The following ATP6V1C2 variants were observed in gnomAD, a reference collection of about 807,000 sequenced individuals.
ATP6V1C2 encodes V-type proton ATPase subunit C 2.
A neutral mutation model predicts 56.8 loss-of-function variants in ATP6V1C2; 45 were observed. That is an observed-to-expected ratio of 0.79 (90% CI 0.62 to 1.02). The LOEUF (loss-of-function observed/expected upper bound fraction) is 1.02, where lower values mean the gene tolerates loss of function less well. Among genes scored for constraint, ATP6V1C2 ranks in the 50% least tolerant of loss-of-function variants. The probability of loss-of-function intolerance (pLI) is 0.00; values close to 1 mark genes in which losing one functional copy is unlikely to be tolerated. For synonymous variants in ATP6V1C2, 220 were observed against 201.3 expected (o/e 1.09, Z -0.79); for missense variants, 463 against 519.7 (o/e 0.89, Z 1.06).
intron 3 of ATP6V1C2, among the ~76,000 whole-genome samples, chr2:10,733,380 A>G (rs1662073013): frequency 6.6e-6 from 1 of 152,214 alleles, no homozygotes; most frequent in African/African-American, 2.4e-5. Flanking sequence ...CCTCGGTAGC[A>G]TAAACCTGTC....
intron 2 of ATP6V1C2, among the ~76,000 whole-genome samples, chr2:10,723,503 G>C (rs1013050036): frequency 6.6e-5 from 10 of 152,154 alleles, no homozygotes; most frequent in Middle Eastern, 3.4e-3. Flanking sequence ...GGCATCTAAG[G>C]GTTCTTGGAG....
intron 12 of ATP6V1C2, among the ~76,000 whole-genome samples, chr2:10,779,026 T>C (rs1001189374): frequency 3.3e-5 from 5 of 151,848 alleles, no homozygotes; most frequent in Non-Finnish European, 5.9e-5. Context: ...GCCTCCGTCC[T>C]CAGCCTGGAA....
chr2:10,785,016 C>A lies in ATP6V1C2; in HGVS notation c.*1753C>A. 1 of 1,579,242 alleles carries A rather than the reference C, an allele frequency of 6.3e-7. No homozygotes were observed. Among genetic ancestry groups the A allele is most frequent in the South Asian group, 1.2e-5 (1 of 86,446 alleles). ...TCCTACAGGTGCCGTGGAGCCACGC[C>A]CAAAAGAGAGCTCCCTTAGGGAAAA... is the stretch of plus-strand genomic sequence containing the variant. On this transcript the variant is annotated 3_prime_UTR_variant, in exon 14 of 14. Transcript: ENST00000272238.
chr2:10,754,146 A>G, intron 4 of ATP6V1C2, 80 bp downstream of exon 4: 1 of 1,231,938 alleles, frequency 8.1e-7, no homozygotes, highest in Non-Finnish European at 1.2e-6. Context: ...GTGGCCACAC[A>G]GCAATCACCG....
intron 12 of ATP6V1C2, among the ~76,000 whole-genome samples, chr2:10,779,945 C>G (rs1665246922): frequency 6.6e-6 from 1 of 152,136 alleles, no homozygotes; most frequent in African/African-American, 2.4e-5. Context: ...CGTCCCGCGT[C>G]ACGGAGCACT....
chr2:10,784,253 G>A lies in ATP6V1C2; in HGVS notation c.*990G>A. 6.2e-7 allele frequency: 1 copy of A among 1,610,048 alleles called. No homozygotes were observed. Among genetic ancestry groups the A allele is most frequent in the African/African-American group, 1.3e-5 (1 of 74,888 alleles). On this transcript the variant is annotated 3_prime_UTR_variant, in exon 14 of 14. Transcript: ENST00000272238. ...GAAAATGGTCTGAAGCCTCTGTTGTGGCTCTCACAACTCATCTTTCCCTAA... is the reference window on the plus strand; with the variant it reads ...GAAAATGGTCTGAAGCCTCTGTTGTAGCTCTCACAACTCATCTTTCCCTAA...
intron 3 of ATP6V1C2, among the ~76,000 whole-genome samples, chr2:10,735,338 T>G (rs530292817): frequency 6.6e-6 from 1 of 151,716 alleles, no homozygotes; most frequent in Non-Finnish European, 1.5e-5. Context: ...CCCAGCTAAT[T>G]TTTGTGTTTT....
At chr2:10,758,703 G>A (rs988138508) in intron 4 of ATP6V1C2, among the ~76,000 whole-genome samples, 7 of 149,768 alleles carry the variant, frequency 4.7e-5, no homozygotes, top group Non-Finnish European at 7.4e-5. Flanking sequence ...TTGCTCTGTC[G>A]CCAGGCTGGA....
intron 5 of ATP6V1C2, 80 bp downstream of exon 5, chr2:10,764,505 C>A: frequency 1.7e-6 from 2 of 1,195,322 alleles, no homozygotes; most frequent in South Asian, 1.2e-5. Context: ...CCCCTGCCAA[C>A]AGCCTCAGCC....
chr2:10,724,538 C>A (rs529429591), intron 2 of ATP6V1C2, among the ~76,000 whole-genome samples: 2 of 152,158 alleles, frequency 1.3e-5, no homozygotes, highest in East Asian at 1.9e-4. Context: ...GTGTGTGAGG[C>A]ACTGTGCTGG....
At chr2:10,733,511 G>A (rs1662077946) in intron 3 of ATP6V1C2, among the ~76,000 whole-genome samples, 1 of 152,016 alleles carries the variant, frequency 6.6e-6, no homozygotes. Context: ...TAGTTGGAAG[G>A]CAGCTTTTGC....
chr2:10,749,246 G>A (rs932855367), intron 3 of ATP6V1C2, among the ~76,000 whole-genome samples: 2 of 151,752 alleles, frequency 1.3e-5, no homozygotes, highest in African/African-American at 4.8e-5. Flanking sequence ...TGTAATCTTA[G>A]CACTTTGGGA....
chr2:10,758,511 G>A (rs995395884), intron 4 of ATP6V1C2, among the ~76,000 whole-genome samples: 7 of 152,102 alleles, frequency 4.6e-5, no homozygotes, highest in Admixed American at 2.6e-4. Context: ...GCCTGGGGCC[G>A]GGAGTTCGAG....
rs116237579 is a variant in ATP6V1C2, at chr2:10,770,693, T to G, written c.471-1146T>G. Among the ~76,000 whole-genome samples, 794 of 152,342 alleles carry G rather than the reference T, an allele frequency of 5.2e-3. 10 individuals are homozygous for G. Among genetic ancestry groups the G allele is most frequent in the African/African-American group, 0.018 (755 of 41,580 alleles). ...GGTTCATTCATCCATTGATCATCAT[T>G]GATTCGCAGTGACTTTAATTGATTT... On this transcript the variant is annotated intron_variant, in intron 6 of 13. Coordinates refer to ENST00000272238, the MANE Select transcript of ATP6V1C2 (RefSeq NM_001039362.2).
At chr2:10,737,194 C>T (rs1172873483) in intron 3 of ATP6V1C2, among the ~76,000 whole-genome samples, 3 of 148,968 alleles carry the variant, frequency 2.0e-5, no homozygotes, top group Non-Finnish European at 4.4e-5. Context: ...GTGGGAGGAT[C>T]ACTTGAGGCC....
chr2:10,756,512 GT>G (rs1663561340), intron 4 of ATP6V1C2, among the ~76,000 whole-genome samples: 1 of 152,154 alleles, frequency 6.6e-6, no homozygotes, highest in Non-Finnish European at 1.5e-5. Flanking sequence ...GAAGTCAGGA[GT>G]TCAAGACCAG....
intron 6 of ATP6V1C2, among the ~76,000 whole-genome samples, chr2:10,769,377 G>A (rs985548021): frequency 6.6e-6 from 1 of 152,216 alleles, no homozygotes; most frequent in Non-Finnish European, 1.5e-5. Context: ...GTCTTGTGAG[G>A]TGTAGTGAGT....
In ATP6V1C2 at chr2:10,764,389, G is replaced by A; in HGVS notation, c.342G>A (p.Lys114=). 1 of 1,614,164 alleles carries A rather than the reference G, an allele frequency of 6.2e-7. No individual in the cohort carries two copies. Among genetic ancestry groups the A allele is most frequent in the Non-Finnish European group, 8.5e-7 (1 of 1,179,982 alleles). ...FEWDMAKYPV[K]QPLVSVVDTI... ...GGGACATGGCCAAATATCCTGTCAAGCAGCCGCTCGTGAGTGTGGTGGACA... is the reference window on the plus strand; with the variant it reads ...GGGACATGGCCAAATATCCTGTCAAACAGCCGCTCGTGAGTGTGGTGGACA... Residue 114 remains lysine, a synonymous_variant, in exon 5 of 14, where the codon AAG becomes AAA. Coordinates refer to ENST00000272238, the MANE Select transcript of ATP6V1C2 (RefSeq NM_001039362.2).
chr2:10,779,028 A>C (rs1665178179), intron 12 of ATP6V1C2, among the ~76,000 whole-genome samples: 3 of 151,874 alleles, frequency 2.0e-5, no homozygotes, highest in Non-Finnish European at 4.4e-5. Flanking sequence ...CTCCGTCCTC[A>C]GCCTGGAAGC....
Sources: gnomAD v4.1 joint callset for allele counts (sites outside exome capture counted in the v4.1 genomes callset) on GRCh38, gnomAD v4.1.1 for gene constraint, MANE v1.5 for transcripts, NCBI Gene and HGNC (gene_info 2026-07-23, HGNC 2026-07-21) for gene names.